The following CFAP20DC variants were observed in gnomAD, a reference collection of about 807,000 sequenced individuals.
The protein encoded by CFAP20DC is CFAP20 domain containing.
A neutral mutation model predicts 101.7 loss-of-function variants in CFAP20DC; 84 were observed. That is an observed-to-expected ratio of 0.83 (90% confidence interval 0.69 to 0.99). CFAP20DC has a LOEUF of 0.99. Among genes scored for constraint, CFAP20DC ranks in the 50% least tolerant of loss-of-function variants. The pLI, the probability that CFAP20DC is intolerant of heterozygous loss-of-function variation, is 0.00. For missense variants in CFAP20DC, 1,007 were observed against 970.3 expected, an observed-to-expected ratio of 1.04 and a Z score of -0.50; for synonymous variants, 359 against 351.2, an observed-to-expected ratio of 1.02 and a Z score of -0.25.
At chr3:59,039,524 A>C in intron 4 of CFAP20DC, 33 bp downstream of exon 4, 2 of 1,312,766 alleles carry the variant, frequency 1.5e-6, no homozygotes, top group Non-Finnish European at 2.1e-6. Flanking sequence ...TCTAATACAC[A>C]CAAAACATTC....
intron 15 of CFAP20DC, among the ~76,000 whole-genome samples, chr3:58,759,656 T>C (rs1027488259): frequency 6.6e-5 from 10 of 152,236 alleles, no homozygotes; most frequent in Admixed American, 6.5e-4. Context: ...TCTAGGGTTT[T>C]TATGGTTTTA....
At chr3:58,741,143 A>G (rs1013920524), downstream of CFAP20DC, among the ~76,000 whole-genome samples, 1 of 152,218 alleles carries the variant, frequency 6.6e-6, no homozygotes, top group African/African-American at 2.4e-5. Flanking sequence ...GTACACCAAT[A>G]AATTTTCATT....
intron 4 of CFAP20DC, among the ~76,000 whole-genome samples, chr3:58,952,668 G>A (rs950266172): frequency 3.3e-5 from 5 of 151,848 alleles, no homozygotes; most frequent in African/African-American, 1.2e-4. Context: ...CTTTTATTCT[G>A]CTCCAGTGAG....
In CFAP20DC at chr3:58,963,039, C is replaced by G. The variant is rs185427285; in HGVS notation, c.279-25277G>C. On this transcript the variant is annotated intron_variant, in intron 4 of 16. Coordinates refer to ENST00000482387, the MANE Select transcript of CFAP20DC (RefSeq NM_001394063.1). ...CAGGCAGAGTCATGGGGTATTTCCA[C>G]TGTGCTCCAAATCAAGTCAGCTCGC... Among the ~76,000 whole-genome samples the G allele has an allele frequency of 2.7e-3, 408 of 152,104 alleles. 1 individual carries two copies. Among genetic ancestry groups the G allele is most frequent in the African/African-American group, 9.3e-3 (385 of 41,500 alleles).
Position 58,865,105 on chromosome 3 carries a change from C to CT in CFAP20DC, c.1259-1214dup, listed in dbSNP as rs533340064. Among the ~76,000 whole-genome samples, 1,097 of 131,312 alleles carry CT rather than the reference C, an allele frequency of 8.4e-3. 6 individuals carry two copies. Among genetic ancestry groups the CT allele is most frequent in the South Asian group, 0.021 (87 of 4,122 alleles). 86.1% of individuals were successfully genotyped at this position (131,312 alleles called of 152,430 possible). ...ATGTAGTCTTTTTTTTTTAAATTTGCTTTTTTTTTTTTTGCAGCTTATTTC... is the reference window on the plus strand; with the variant it reads ...ATGTAGTCTTTTTTTTTTAAATTTGCTTTTTTTTTTTTTTGCAGCTTATTTC... On this transcript the variant is annotated intron_variant, in intron 11 of 16. Coordinates refer to ENST00000482387, the MANE Select transcript of CFAP20DC (RefSeq NM_001394063.1).
intron 4 of CFAP20DC, among the ~76,000 whole-genome samples, chr3:58,968,243 G>A (rs939228329): frequency 2.0e-5 from 3 of 152,056 alleles, no homozygotes; most frequent in Non-Finnish European, 4.4e-5. Flanking sequence ...GGGATTGCTG[G>A]GTCAAATGGT....
chr3:58,813,519 A>G (rs962031224), intron 14 of CFAP20DC, among the ~76,000 whole-genome samples: 3 of 151,922 alleles, frequency 2.0e-5, no homozygotes, highest in African/African-American at 7.3e-5. Context: ...CTCACCCATC[A>G]TAATGTGGCC....
At chr3:58,996,103 G>GA (rs919481084) in intron 4 of CFAP20DC, among the ~76,000 whole-genome samples, 9 of 146,890 alleles carry the variant, frequency 6.1e-5, no homozygotes, top group South Asian at 2.1e-4. Context: ...AAATGAAGCA[G>GA]AAAAAAAAAA....
chr3:59,033,545 G>A (rs1156447802), intron 4 of CFAP20DC, among the ~76,000 whole-genome samples: 5 of 152,122 alleles, frequency 3.3e-5, no homozygotes, highest in Non-Finnish European at 5.9e-5. Flanking sequence ...CAAGAATTTC[G>A]TGAAGCGTAC....
At position 59,001,442 on chromosome 3, in the gene CFAP20DC, T is replaced by C. The variant is rs2108755255; in HGVS notation, c.278+38115A>G. Among the ~76,000 whole-genome samples the C allele has an allele frequency of 6.6e-6, 1 of 152,254 alleles. No homozygotes were observed. Among genetic ancestry groups the C allele is most frequent in the South Asian group, 2.1e-4 (1 of 4,822 alleles). ...TCTCCTCTCTTAAGTTTCACACTTA[T>C]TGTCCAGGCTGGAGTGCAATGGCTC... On this transcript the variant is annotated intron_variant, in intron 4 of 16. Coordinates refer to ENST00000482387, the MANE Select transcript of CFAP20DC (RefSeq NM_001394063.1). The surrounding 1 kb of genome is among the most constrained non-coding windows in gnomAD (Gnocchi z 4.5).
intron 15 of CFAP20DC, among the ~76,000 whole-genome samples, chr3:58,787,522 A>G (rs1160497582): frequency 6.6e-6 from 1 of 152,118 alleles, no homozygotes; most frequent in Admixed American, 6.6e-5. Context: ...CAACAAACAA[A>G]CAAACAAAAA....
At chr3:58,816,318 C>G (rs1559636985) in intron 14 of CFAP20DC, among the ~76,000 whole-genome samples, 1 of 152,166 alleles carries the variant, frequency 6.6e-6, no homozygotes, top group African/African-American at 2.4e-5. Flanking sequence ...CAGCTCTGGT[C>G]TACAGCTCCC....
rs1211994023 is a variant in CFAP20DC, at chr3:58,863,336, C to T, written c.1593+222G>A. On this transcript the variant is annotated intron_variant, in intron 12 of 16. Coordinates refer to ENST00000482387, the MANE Select transcript of CFAP20DC (RefSeq NM_001394063.1). The surrounding 1 kb of genome is among the most constrained non-coding windows in gnomAD (Gnocchi z 5.9). ...ACAGAAAGAAACCCAAAACTGGTTT[C>T]TATAAGTAAAAGTGAAATTGGCTGA... 1 of 1,411,410 alleles carries T rather than the reference C, an allele frequency of 7.1e-7. No individual in the cohort carries two copies. Among genetic ancestry groups the T allele is most frequent in the East Asian group, 2.6e-5 (1 of 39,208 alleles). The allele number at this position is 1,411,410 out of a possible 1,614,324, so 87.4% of individuals were successfully genotyped here.
intron 6 of CFAP20DC, among the ~76,000 whole-genome samples, chr3:58,885,280 A>T (rs918005496): frequency 3.3e-5 from 5 of 152,098 alleles, no homozygotes; most frequent in African/African-American, 1.2e-4. Flanking sequence ...AGCTTATTAT[A>T]CTTATAATGA....
intron 15 of CFAP20DC, among the ~76,000 whole-genome samples, chr3:58,793,297 A>G (rs2072999228): frequency 6.6e-6 from 1 of 152,112 alleles, no homozygotes; most frequent in African/African-American, 2.4e-5. Flanking sequence ...TTCCTAATAC[A>G]TAATATCTTC....
chr3:58,794,335 T>A, intron 15 of CFAP20DC: 1 of 456,074 alleles, frequency 2.2e-6, no homozygotes, highest in South Asian at 1.6e-5. Context: ...TAAAGGCTTT[T>A]AAAAATCAAT....
chr3:58,951,161 C>A (rs2108039660), intron 4 of CFAP20DC, among the ~76,000 whole-genome samples: 1 of 152,308 alleles, frequency 6.6e-6, no homozygotes, highest in Non-Finnish European at 1.5e-5. Flanking sequence ...AAAAAATGCT[C>A]ATCATCACTG....
intron 5 of CFAP20DC, among the ~76,000 whole-genome samples, chr3:58,932,796 C>T (rs986808355): frequency 1.3e-5 from 2 of 152,190 alleles, no homozygotes; most frequent in African/African-American, 4.8e-5. Flanking sequence ...AAAGGAACAA[C>T]CAGTACCAGC....
rs1215368308 is a variant in CFAP20DC at position 58,914,610 on chromosome 3, T to C, written c.394-746A>G. ...GTAGTATTAAAGTTTTATGTGCTTC[T>C]TTTAAAATATTGGGCTCTTCCATTA... On this transcript the variant is annotated intron_variant, in intron 5 of 16. Coordinates refer to ENST00000482387, the MANE Select transcript of CFAP20DC (RefSeq NM_001394063.1). This position sits in a 1 kb window ranked among gnomAD's most constrained non-coding sequence, Gnocchi z 4.9. Among the ~76,000 whole-genome samples the C allele has an allele frequency of 6.6e-6, 1 of 151,460 alleles. No homozygotes were observed. Among genetic ancestry groups the C allele is most frequent in the East Asian group, 1.9e-4 (1 of 5,188 alleles).
Sources: allele counts gnomAD v4.1 joint callset (sites outside exome capture counted in the v4.1 genomes callset), GRCh38; gene constraint gnomAD v4.1.1; non-coding constraint Gnocchi (gnomAD v3.1); transcripts MANE v1.5; gene names NCBI Gene and HGNC (gene_info 2026-07-23, HGNC 2026-07-21).